The following BRWD3 variants were observed in gnomAD, a reference collection of about 807,000 sequenced individuals.
BRWD3 encodes bromodomain and WD repeat-containing protein 3.
Under a neutral mutation model 149.7 loss-of-function variants are expected in BRWD3, and 10 were observed. The observed-to-expected ratio is 0.07, with a 90% CI of 0.04 to 0.11. The LOEUF (loss-of-function observed/expected upper bound fraction) is 0.11, where lower values mean the gene tolerates loss of function less well. Ranked by LOEUF, BRWD3 falls within the 10% of genes least tolerant of loss-of-function variation. The pLI is 1.00. For missense variants in BRWD3, 940 were observed against 1,373.2 expected (o/e 0.68, Z 4.99); for synonymous variants, 504 against 456.7 (o/e 1.10, Z -1.32).
chrX:80,738,917 CTG>C (rs1324600529), intron 8 of BRWD3, among the ~76,000 whole-genome samples: 2 of 111,743 alleles, frequency 1.8e-5, no homozygotes, highest in Non-Finnish European at 3.8e-5. Flanking sequence ...ATACAGAGCA[CTG>C]TGAGTCACTG....
At chrX:80,713,548 C>A (rs917394462) in intron 20 of BRWD3, among the ~76,000 whole-genome samples, 5 of 109,764 alleles carry the variant, frequency 4.6e-5, no homozygotes, top group African/African-American at 1.7e-4. Flanking sequence ...GGGACACAAA[C>A]ACTGCGGAAG....
chrX:80,732,500 C>T (rs1016968238), intron 12 of BRWD3, among the ~76,000 whole-genome samples: 2 of 109,091 alleles, frequency 1.8e-5, no homozygotes, highest in African/African-American at 3.4e-5. Context: ...GGGCATGAAC[C>T]GTAAAAGGAA....
intron 20 of BRWD3, chrX:80,710,427 C>T: frequency 2.9e-6 from 1 of 340,507 alleles, no homozygotes; most frequent in Non-Finnish European, 5.5e-6. Flanking sequence ...CTCGTACTTA[C>T]TTGGAGAGAC....
chrX:80,676,557 C>T lies in BRWD3; in HGVS notation c.*52G>A. 1 of 1,186,024 alleles carries T rather than the reference C, an allele frequency of 8.4e-7. No individual in the cohort carries two copies. The highest frequency in any genetic ancestry group is 2.2e-5 in the Admixed American group (1 of 45,247). ...GCTTTGTAGATTTCCTGGTAAATTC[C>T]CTGCAGTAGAAGGCCATTGAATTTT... On this transcript the variant is annotated 3_prime_UTR_variant, in exon 41 of 41. Transcript: ENST00000373275.
In BRWD3 at chrX:80,701,316, G is replaced by C. The variant is rs555112419; in HGVS notation, c.2836-1252C>G. ...TAATCCTAGTACTTTGGGAGGCCGA[G>C]ATTGGTGGATCACCTGAGGTCAGGA... On this transcript the variant is annotated intron_variant, in intron 24 of 40. Coordinates refer to ENST00000373275, the MANE Select transcript of BRWD3 (RefSeq NM_153252.5). 6.4e-5 allele frequency among the ~76,000 whole-genome samples: 7 copies of C among 109,745 alleles called. No homozygotes were observed. The South Asian group carries it at 2.8e-3, about 44-fold the overall frequency.
chrX:80,754,728 C>T (rs1418326148), intron 6 of BRWD3, among the ~76,000 whole-genome samples: 8 of 112,119 alleles, frequency 7.1e-5, no homozygotes, highest in African/African-American at 1.6e-4. Flanking sequence ...ATGCTGAAGC[C>T]GGGCATGGTG....
At chrX:80,736,450 T>C (rs1006791332) in intron 8 of BRWD3, among the ~76,000 whole-genome samples, 7 of 111,817 alleles carry the variant, frequency 6.3e-5, no homozygotes, top group African/African-American at 1.6e-4. Context: ...TATACACTTA[T>C]AGAAACAACT....
chrX:80,677,861 T>A (rs900906001), intron 40 of BRWD3, among the ~76,000 whole-genome samples: 1 of 111,523 alleles, frequency 9.0e-6, no homozygotes, highest in Non-Finnish European at 1.9e-5. Flanking sequence ...AGAGTGTATA[T>A]GTGTAGAAGG....
intron 6 of BRWD3, among the ~76,000 whole-genome samples, chrX:80,778,189 G>C (rs1322292622): frequency 1.8e-5 from 2 of 111,478 alleles, no homozygotes; most frequent in Non-Finnish European, 3.8e-5. Flanking sequence ...AGAAAATCTA[G>C]CTATTTTAAA....
intron 22 of BRWD3, among the ~76,000 whole-genome samples, 191 bp downstream of exon 22, chrX:80,707,236 T>A (rs1027166624): frequency 8.9e-6 from 1 of 112,663 alleles, no homozygotes; most frequent in Non-Finnish European, 1.9e-5. Context: ...ATGAAGAAAC[T>A]AAAAGGCCCA....
intron 14 of BRWD3, among the ~76,000 whole-genome samples, chrX:80,725,722 A>G (rs1020566279): frequency 4.4e-4 from 49 of 111,458 alleles, no homozygotes; most frequent in Non-Finnish European, 6.3e-4. Flanking sequence ...AACATATAAC[A>G]TGTTTACATG....
intron 14 of BRWD3, among the ~76,000 whole-genome samples, chrX:80,725,962 T>C (rs770073954): frequency 1.8e-5 from 2 of 110,343 alleles, no homozygotes; most frequent in South Asian, 7.6e-4. Context: ...ATATAACACA[T>C]AACATGTTTA....
intron 6 of BRWD3, among the ~76,000 whole-genome samples, chrX:80,746,485 C>T (rs960042184): frequency 1.4e-4 from 15 of 110,723 alleles, no homozygotes; most frequent in African/African-American, 4.6e-4. Context: ...CCAAATACCA[C>T]GTGGATTCTG....
chrX:80,678,713 G>C (rs995613386), intron 40 of BRWD3, among the ~76,000 whole-genome samples: 1 of 110,920 alleles, frequency 9.0e-6, no homozygotes, highest in Non-Finnish European at 1.9e-5. Flanking sequence ...CCAGCCAGTG[G>C]GGTCGGTAGG....
At chrX:80,798,336 T>C (rs1025982665) in intron 4 of BRWD3, among the ~76,000 whole-genome samples, 7 of 110,901 alleles carry the variant, frequency 6.3e-5, no homozygotes, top group African/African-American at 1.3e-4. Context: ...TGCTTTTCAT[T>C]AAAGCTGGAA....
At chrX:80,787,568 T>C (rs1024315779) in intron 6 of BRWD3, among the ~76,000 whole-genome samples, 3 of 86,696 alleles carry the variant, frequency 3.5e-5, no homozygotes, top group East Asian at 3.5e-4. Context: ...TAGACACCCA[T>C]ATGCAAAAAA....
intron 16 of BRWD3, 84 bp downstream of exon 16, chrX:80,723,664 C>T (rs1359251746): frequency 1.3e-5 from 13 of 1,019,478 alleles, no homozygotes; most frequent in East Asian, 6.1e-5. Context: ...CATAACAGCC[C>T]TTATTAACTG....
At chrX:80,741,698 T>C (rs1322624706) in intron 8 of BRWD3, among the ~76,000 whole-genome samples, 2 of 112,583 alleles carry the variant, frequency 1.8e-5, no homozygotes, top group East Asian at 5.6e-4. Flanking sequence ...CTTGGCTGCA[T>C]AAATGTCTTC....
intron 31 of BRWD3, 61 bp from the exon 32 acceptor site, chrX:80,690,153 T>C: frequency 9.0e-7 from 1 of 1,107,549 alleles, no homozygotes; most frequent in Non-Finnish European, 1.2e-6. Flanking sequence ...ATTTTAGGAA[T>C]ATACAATATG....
Sources: gnomAD v4.1 joint callset for allele counts (sites outside exome capture counted in the v4.1 genomes callset) on GRCh38, gnomAD v4.1.1 for gene constraint, MANE v1.5 for transcripts, NCBI Gene and HGNC (gene_info 2026-07-23, HGNC 2026-07-21) for gene names.